The following KDM2B variants were observed in gnomAD, a reference collection of about 807,000 sequenced individuals.
The protein encoded by KDM2B is lysine-specific demethylase 2B.
Under a neutral mutation model 150.0 loss-of-function variants are expected in KDM2B, and 26 were observed. The observed-to-expected ratio is 0.17, with a 90% CI of 0.13 to 0.24. KDM2B has a LOEUF of 0.24. KDM2B is among the 10% of genes least tolerant of loss of function. KDM2B has a pLI of 1.00. For missense variants in KDM2B, 1,265 were observed against 1,816.9 expected (o/e 0.70, Z 5.52); for synonymous variants, 734 against 729.5 (o/e 1.01, Z -0.10).
At chr12:121,427,356 G>A (rs534232604), downstream of KDM2B, among the ~76,000 whole-genome samples, 1 of 152,028 alleles carries the variant, frequency 6.6e-6, no homozygotes, top group Non-Finnish European at 1.5e-5. Flanking sequence ...TGGCCAACAT[G>A]GTGGGTGAAA....
At chr12:121,579,539 G>A (rs1891781581) in intron 1 of KDM2B, 7 of 1,258,850 alleles carry the variant, frequency 5.6e-6, no homozygotes, top group African/African-American at 3.1e-5. Context: ...GTGGGGGGAG[G>A]AGAATCGGGG....
chr12:121,443,620 G>C, intron 17 of KDM2B, 60 bp downstream of exon 17: 2 of 981,638 alleles, frequency 2.0e-6, no homozygotes, highest in Non-Finnish European at 3.2e-6. Flanking sequence ...GGTGGGGTGG[G>C]GGACAGCCCA....
intron 4 of KDM2B, among the ~76,000 whole-genome samples, chr12:121,573,101 G>A (rs1325614591): frequency 6.6e-6 from 1 of 151,200 alleles, no homozygotes; most frequent in Non-Finnish European, 1.5e-5. Context: ...TGAGATTACA[G>A]GTGTGAGCCA....
At chr12:121,526,409 A>G (rs1046978879) in intron 8 of KDM2B, among the ~76,000 whole-genome samples, 6 of 152,146 alleles carry the variant, frequency 3.9e-5, no homozygotes, top group Non-Finnish European at 5.9e-5. Context: ...CATAGTCAAG[A>G]GTCAAGAAGG....
At chr12:121,425,600 TAAAG>T (rs1274890222), downstream of KDM2B, among the ~76,000 whole-genome samples, 2 of 152,042 alleles carry the variant, frequency 1.3e-5, no homozygotes, top group Non-Finnish European at 2.9e-5. Flanking sequence ...TGGCTAATAG[TAAAG>T]AAAAAAATTT....
chr12:121,557,706 G>A (rs1890009102), intron 4 of KDM2B, among the ~76,000 whole-genome samples: 1 of 152,184 alleles, frequency 6.6e-6, no homozygotes, highest in South Asian at 2.1e-4. Flanking sequence ...GACTTCAGGG[G>A]GAAATGTAGC....
chr12:121,516,263 G>GA, intron 9 of KDM2B: 1 of 320,892 alleles, frequency 3.1e-6, no homozygotes, highest in Non-Finnish European at 6.0e-6. Context: ...GACCACCTGG[G>GA]AATCTTTCTA....
At position 121,520,009 on chromosome 12, in the gene KDM2B, C is replaced by T. The variant is rs1193984913; in HGVS notation, c.1047+976G>A. Among the ~76,000 whole-genome samples, 9 of 152,280 alleles carry T rather than the reference C, an allele frequency of 5.9e-5. No individual in the cohort carries two copies. Among genetic ancestry groups the T allele is most frequent in the Non-Finnish European group, 1.3e-4 (9 of 68,024 alleles). On this transcript the variant is annotated intron_variant, in intron 9 of 22. Coordinates refer to ENST00000377071, the MANE Select transcript of KDM2B (RefSeq NM_032590.5). The surrounding 1 kb of genome is among the most constrained non-coding windows in gnomAD (Gnocchi z 4.5). ...CCGGGCTCAAACGACCCTCCCACCA[C>T]AGCCTCTCAAGTAGCTGGGACTACA...
chr12:121,539,303 G>A (rs1018301752), intron 6 of KDM2B, among the ~76,000 whole-genome samples: 9 of 119,748 alleles, frequency 7.5e-5, no homozygotes, highest in Admixed American at 2.1e-4. Flanking sequence ...ACTCCAGCCC[G>A]GGTGACATAG....
At position 121,467,026 on chromosome 12, in the gene KDM2B, C is replaced by A. The variant is rs1465343484; in HGVS notation, c.1735-13682G>T. The A allele has an allele frequency of 5.5e-6, 2 of 366,970 alleles. No homozygotes were observed. The highest frequency in any genetic ancestry group is 3.9e-6 in the Non-Finnish European group (1 of 259,450). The allele number at this position is 366,970 out of a possible 1,614,324, so 22.7% of individuals were successfully genotyped here. On this transcript the variant is annotated intron_variant, in intron 12 of 22. Coordinates refer to ENST00000377071, the MANE Select transcript of KDM2B (RefSeq NM_032590.5). The surrounding 1 kb of genome is among the most constrained non-coding windows in gnomAD (Gnocchi z 5.1). ...CGCTCGGGCCCGGCCCCGGCCGCCC[C>A]GCCGGCAGCGGCAGCAAAACTTTCT...
intron 7 of KDM2B, among the ~76,000 whole-genome samples, chr12:121,534,145 C>T (rs1016825223): frequency 7.9e-5 from 12 of 152,096 alleles, no homozygotes; most frequent in Non-Finnish European, 1.5e-4. Context: ...GTCAGGAGAT[C>T]GAGACCATCC....
At chr12:121,511,003 CTTTT>C (rs1555303890) in intron 10 of KDM2B, among the ~76,000 whole-genome samples, 3 of 149,696 alleles carry the variant, frequency 2.0e-5, no homozygotes, top group African/African-American at 7.5e-5. Context: ...TCTTTCTTTT[CTTTT>C]GTCTTTTCTC....
chr12:121,516,411 TA>T (rs1275449309), intron 9 of KDM2B: 110 of 1,011,414 alleles, frequency 1.1e-4, no homozygotes, highest in African/African-American at 4.6e-4. Flanking sequence ...TTTATTTATT[TA>T]TTTTTTTTTC....
chr12:121,474,413 G>T (rs1555296401), intron 12 of KDM2B, among the ~76,000 whole-genome samples: 1 of 152,130 alleles, frequency 6.6e-6, no homozygotes, highest in African/African-American at 2.4e-5. Context: ...CTACTCAGGA[G>T]GCTGAGGCAC....
chr12:121,527,432 G>A (rs1159551881), intron 8 of KDM2B, among the ~76,000 whole-genome samples: 10 of 145,828 alleles, frequency 6.9e-5, no homozygotes, highest in South Asian at 2.3e-4. Flanking sequence ...AGGCCAAGGC[G>A]GGCAGATCAG....
intron 13 of KDM2B, among the ~76,000 whole-genome samples, chr12:121,445,670 T>C (rs556665651): frequency 2.0e-5 from 3 of 152,314 alleles, no homozygotes; most frequent in Non-Finnish European, 2.9e-5. Context: ...CATCCAGAGC[T>C]TACATTTTAG....
intron 6 of KDM2B, among the ~76,000 whole-genome samples, chr12:121,538,913 T>G (rs1555309202): frequency 6.6e-6 from 1 of 152,042 alleles, no homozygotes; most frequent in East Asian, 1.9e-4. Context: ...AACCTCCAGC[T>G]GCAGGTGGTG....
rs1555288477 is a variant in KDM2B at position 121,442,216 on chromosome 12, G to A, written c.3225C>T (p.Ser1075=). 1 of 1,613,320 alleles carries A rather than the reference G, an allele frequency of 6.2e-7. No homozygotes were observed. Among genetic ancestry groups the A allele is most frequent in the Admixed American group, 1.7e-5 (1 of 60,008 alleles). Reference sequence around the variant, plus strand: ...CACACAGGTCTTGGTGGCTGAGGTAGCTGAAGACGGCCATCCACACCTCCC... The same window carrying A: ...CACACAGGTCTTGGTGGCTGAGGTAACTGAAGACGGCCATCCACACCTCCC... ...MHREVWMAVF[S]YLSHQDLCVC... is the part of the protein sequence containing the mutation. Residue 1075 remains serine (S), a synonymous_variant, in exon 19 of 23, where the codon AGC becomes AGT. Coordinates refer to ENST00000377071, the MANE Select transcript of KDM2B (RefSeq NM_032590.5). The surrounding 1 kb of genome is among the most constrained non-coding windows in gnomAD (Gnocchi z 7.7).
chr12:121,535,967 G>A (rs1888055880), intron 6 of KDM2B: 1 of 806,048 alleles, frequency 1.2e-6, no homozygotes. Context: ...CACCGCTCAC[G>A]CCCATGCACC....
Sources: allele counts gnomAD v4.1 joint callset (sites outside exome capture counted in the v4.1 genomes callset), GRCh38; gene constraint gnomAD v4.1.1; non-coding constraint Gnocchi (gnomAD v3.1); transcripts MANE v1.5; gene names NCBI Gene and HGNC (gene_info 2026-07-23, HGNC 2026-07-21).